The following MGAT4C variants were observed in gnomAD, a reference collection of about 807,000 sequenced individuals.
MGAT4C encodes MGAT4 family member C, also known as alpha-1,3-mannosyl-glycoprotein 4-beta-N-acetylglucosaminyltransferase C.
Under a neutral mutation model 40.1 loss-of-function variants are expected in MGAT4C, and 19 were observed. The observed-to-expected ratio is 0.47, with a 90% CI of 0.33 to 0.70. The LOEUF (loss-of-function observed/expected upper bound fraction) is 0.70. Ranked by LOEUF, MGAT4C falls within the 30% of genes least tolerant of loss-of-function variation. The probability of loss-of-function intolerance (pLI) is 0.02; values close to 1 mark genes in which losing one functional copy is unlikely to be tolerated. For synonymous variants in MGAT4C, 181 were observed against 187.1 expected (o/e 0.97, Z 0.27); for missense variants, 491 against 563.2 (o/e 0.87, Z 1.30).
chr12:86,675,557 C>T (rs2136570229), intron 2 of MGAT4C, among the ~76,000 whole-genome samples: 1 of 152,258 alleles, frequency 6.6e-6, no homozygotes, highest in African/African-American at 2.4e-5. Context: ...GTTGCTATAC[C>T]AGACCAGTGG....
At chr12:86,228,103 A>G (rs1234529733) in intron 1 of MGAT4C, among the ~76,000 whole-genome samples, 3 of 151,910 alleles carry the variant, frequency 2.0e-5, no homozygotes, top group Non-Finnish European at 4.4e-5. Flanking sequence ...TCAGGGGTAC[A>G]AAGGATACAT....
intron 2 of MGAT4C, among the ~76,000 whole-genome samples, chr12:86,647,303 G>A (rs1963568089): frequency 6.6e-6 from 1 of 151,842 alleles, no homozygotes; most frequent in Admixed American, 6.6e-5. Context: ...TTTGATTATT[G>A]CATGTATCAT....
At chr12:86,576,965 T>C (rs1196357789) in intron 2 of MGAT4C, among the ~76,000 whole-genome samples, 1 of 151,902 alleles carries the variant, frequency 6.6e-6, no homozygotes, top group Non-Finnish European at 1.5e-5. Flanking sequence ...AATGGAATAT[T>C]TTTCTATTTT....
chr12:86,637,428 C>A lies in MGAT4C; in HGVS notation c.-229+89781G>T, dbSNP rs962691186. Reference sequence around the variant, plus strand: ...ACAAAATTCTCTCCCTGAGTGAATACCCAGGATTATTTTAATGTTTGAGTT... The same window carrying A: ...ACAAAATTCTCTCCCTGAGTGAATAACCAGGATTATTTTAATGTTTGAGTT... On this transcript the variant is annotated intron_variant, in intron 2 of 7. Coordinates refer to the MGAT4C transcript ENST00000548651. Among the ~76,000 whole-genome samples the A allele has an allele frequency of 2.6e-5, 4 of 151,804 alleles. No individual in the cohort carries two copies. In the East Asian group the frequency reaches 5.8e-4, roughly 22 times the overall value.
intron 3 of MGAT4C, among the ~76,000 whole-genome samples, chr12:86,408,455 C>CTCTG (rs1308261248): frequency 3.4e-4 from 32 of 95,242 alleles, no homozygotes; most frequent in African/African-American, 1.4e-3. Context: ...TAAACTCTCT[C>CTCTG]TCTCTCTCTC....
rs1334068659 is a variant in MGAT4C at position 86,453,794 on chromosome 12, T to A, written c.-228-18529A>T. ...ACATTTCCCCAGAAATTATGGGGAC[T>A]TTTGCTTACTAGATTCTTGCAAGAA... On this transcript the variant is annotated intron_variant, in intron 2 of 7. Transcript: ENST00000548651. 2.6e-5 allele frequency among the ~76,000 whole-genome samples: 4 copies of A among 152,084 alleles called. No individual in the cohort carries two copies. The East Asian group carries it at 5.8e-4, about 22-fold the overall frequency.
intron 1 of MGAT4C, among the ~76,000 whole-genome samples, chr12:86,147,273 G>C (rs559945530): frequency 6.6e-6 from 1 of 151,458 alleles, no homozygotes. Flanking sequence ...ACGTAGTCTC[G>C]CTCTGTCGCC....
chr12:86,462,871 C>T (rs1592876953), intron 2 of MGAT4C, among the ~76,000 whole-genome samples: 1 of 152,268 alleles, frequency 6.6e-6, no homozygotes, highest in African/African-American at 2.4e-5. Context: ...ACGGTGTCCA[C>T]CCATGTTGAC....
chr12:86,121,715 C>T (rs949232158), intron 1 of MGAT4C, among the ~76,000 whole-genome samples: 9 of 152,252 alleles, frequency 5.9e-5, no homozygotes, highest in African/African-American at 2.2e-4. Flanking sequence ...TTGTCACTAC[C>T]AGGGCCTGCC....
intron 1 of MGAT4C, among the ~76,000 whole-genome samples, chr12:86,814,460 T>C (rs1252342396): frequency 6.7e-6 from 1 of 150,060 alleles, no homozygotes. Context: ...AGTTACTGAA[T>C]TCTCATAATT....
At chr12:86,133,252 T>C (rs1881491537) in intron 1 of MGAT4C, among the ~76,000 whole-genome samples, 2 of 152,242 alleles carry the variant, frequency 1.3e-5, no homozygotes, top group South Asian at 4.1e-4. Context: ...TCTTTAATTG[T>C]ATCTGGGAAG....
At chr12:86,105,573 A>G (rs763131233) in intron 1 of MGAT4C, among the ~76,000 whole-genome samples, 27 of 152,142 alleles carry the variant, frequency 1.8e-4, no homozygotes, top group Non-Finnish European at 1.6e-4. Flanking sequence ...ACAGAACTGT[A>G]AGAAATACCA....
At chr12:86,405,333 A>G (rs1223728619) in intron 3 of MGAT4C, among the ~76,000 whole-genome samples, 1 of 152,066 alleles carries the variant, frequency 6.6e-6, no homozygotes, top group African/African-American at 2.4e-5. Flanking sequence ...TTATATTTTT[A>G]TATGCCAGCA....
At chr12:86,397,183 A>G (rs1422185312) in intron 3 of MGAT4C, among the ~76,000 whole-genome samples, 1 of 152,136 alleles carries the variant, frequency 6.6e-6, no homozygotes, top group Non-Finnish European at 1.5e-5. Flanking sequence ...TTTTATGGAG[A>G]GCAGAAAATG....
At chr12:86,786,226 G>T (rs563367748) in intron 1 of MGAT4C, among the ~76,000 whole-genome samples, 3 of 152,078 alleles carry the variant, frequency 2.0e-5, no homozygotes, top group Admixed American at 6.6e-5. Context: ...GAACATTTAT[G>T]CATAAAGTGC....
intron 1 of MGAT4C, among the ~76,000 whole-genome samples, chr12:86,209,381 A>C (rs530602506): frequency 6.6e-6 from 1 of 152,124 alleles, no homozygotes; most frequent in Non-Finnish European, 1.5e-5. Context: ...CAAAGCCATA[A>C]TCTTATCAGT....
At chr12:86,475,931 A>T (rs922495036) in intron 2 of MGAT4C, among the ~76,000 whole-genome samples, 15 of 151,882 alleles carry the variant, frequency 9.9e-5, no homozygotes, top group African/African-American at 3.6e-4. Context: ...TGTGTTTTTT[A>T]TTGTGTATAT....
chr12:86,489,615 G>A (rs991476681), intron 2 of MGAT4C, among the ~76,000 whole-genome samples: 3 of 152,216 alleles, frequency 2.0e-5, no homozygotes, highest in African/African-American at 7.2e-5. Flanking sequence ...GCTACTGTGG[G>A]ACATGCATGA....
At chr12:86,359,101 A>C (rs1955391602) in intron 3 of MGAT4C, among the ~76,000 whole-genome samples, 1 of 152,226 alleles carries the variant, frequency 6.6e-6, no homozygotes, top group Admixed American at 6.5e-5. Flanking sequence ...AGTAAATGTA[A>C]AAGAACAGAA....
Sources: gnomAD v4.1 joint callset for allele counts (sites outside exome capture counted in the v4.1 genomes callset) on GRCh38, gnomAD v4.1.1 for gene constraint, MANE v1.5 for transcripts, NCBI Gene and HGNC (gene_info 2026-07-23, HGNC 2026-07-21) for gene names.